Variants in METTL25 observed in about 807,000 individuals in gnomAD.
METTL25 encodes the protein probable methyltransferase-like protein 25.
A neutral mutation model predicts 71.6 loss-of-function variants in METTL25; 64 were observed. That is an observed-to-expected ratio of 0.89 (90% confidence interval 0.73 to 1.10). The LOEUF is 1.10. Ranked by LOEUF, METTL25 falls within the 50% of genes least tolerant of loss-of-function variation. METTL25 has a pLI of 0.00. For synonymous variants in METTL25, 287 were observed against 250.3 expected (o/e 1.15, Z -1.38); for missense variants, 807 against 707.0 (o/e 1.14, Z -1.60).
At chr12:82,447,903 C>T (rs550753704) in intron 8 of METTL25, among the ~76,000 whole-genome samples, 1 of 152,110 alleles carries the variant, frequency 6.6e-6, no homozygotes, top group East Asian at 1.9e-4. Context: ...ATAGGCACCT[C>T]ATTATAATGA....
intron 10 of METTL25, 94 bp downstream of exon 10, chr12:82,476,812 G>GTTTT: frequency 1.3e-6 from 1 of 751,302 alleles, no homozygotes. Flanking sequence ...AATCTATGTT[G>GTTTT]TTTTTCTCTT....
chr12:82,438,451 A>G (rs940328535), intron 7 of METTL25: 7 of 263,634 alleles, frequency 2.7e-5, no homozygotes, highest in Non-Finnish European at 4.2e-5. Context: ...TTTGGGCATT[A>G]GCTTATTGTT....
intron 5 of METTL25, among the ~76,000 whole-genome samples, chr12:82,424,636 A>G (rs1888850044): frequency 6.6e-6 from 1 of 151,974 alleles, no homozygotes; most frequent in Non-Finnish European, 1.5e-5. Flanking sequence ...AGGAATGGTA[A>G]TGGGTTGATA....
chr12:82,366,250 A>T (rs1304677845), intron 1 of METTL25, among the ~76,000 whole-genome samples: 1 of 152,172 alleles, frequency 6.6e-6, no homozygotes, highest in Non-Finnish European at 1.5e-5. Context: ...ACATCTTATA[A>T]TGTTATTTAA....
chr12:82,475,850 T>C (rs1892848699), intron 9 of METTL25, among the ~76,000 whole-genome samples: 1 of 152,142 alleles, frequency 6.6e-6, no homozygotes, highest in South Asian at 2.1e-4. Flanking sequence ...ATTTACCTTA[T>C]ATACTTACCA....
intron 5 of METTL25, among the ~76,000 whole-genome samples, chr12:82,405,732 A>G (rs1592666810): frequency 6.6e-6 from 1 of 152,278 alleles, no homozygotes; most frequent in Admixed American, 6.5e-5. Context: ...GTGCATCCAC[A>G]TATTGTCATT....
At chr12:82,379,840 C>A (rs972079297) in intron 1 of METTL25, among the ~76,000 whole-genome samples, 1 of 152,130 alleles carries the variant, frequency 6.6e-6, no homozygotes, top group African/African-American at 2.4e-5. Context: ...GCAGTTCATC[C>A]ATCCTTAGTC....
chr12:82,371,133 G>T (rs1371232760), intron 1 of METTL25, among the ~76,000 whole-genome samples: 1 of 152,254 alleles, frequency 6.6e-6, no homozygotes, highest in Admixed American at 6.5e-5. Flanking sequence ...GATTCCTCAG[G>T]TGGTAACAGA....
At chr12:82,435,332 A>G (rs1184862913) in intron 7 of METTL25, among the ~76,000 whole-genome samples, 1 of 151,460 alleles carries the variant, frequency 6.6e-6, no homozygotes, top group Non-Finnish European at 1.5e-5. Context: ...CTTTTGTTCA[A>G]GGAACATTAA....
intron 4 of METTL25, among the ~76,000 whole-genome samples, chr12:82,401,094 A>G (rs7964884): frequency 0.018 from 2,767 of 152,194 alleles, 81 homozygotes; most frequent in African/African-American, 0.063. Context: ...ATAAACCTCT[A>G]TAAACTGTGC....
At position 82,438,758 on chromosome 12, in the gene METTL25, ATAT is replaced by A. The variant is rs1185905488; in HGVS notation, c.1451_1453del (p.Ile484del). The A allele has an allele frequency of 1.3e-6, 2 of 1,541,842 alleles. No individual in the cohort carries two copies. Among genetic ancestry groups the A allele is most frequent in the East Asian group, 2.3e-5 (1 of 42,734 alleles). On this transcript the variant is annotated inframe_deletion, in exon 8 of 12. Coordinates refer to ENST00000248306, the MANE Select transcript of METTL25 (RefSeq NM_032230.3). ...CTCTTCTATCGTGCTGTTCTTCAGG[ATAT>A]TATTAAAGATTGTTATGGCATCACC...
Position 82,391,290 on chromosome 12 carries a change from G to T in METTL25, c.531+1368G>T, listed in dbSNP as rs144927213. Among the ~76,000 whole-genome samples, 52 of 152,154 alleles carry T rather than the reference G, an allele frequency of 3.4e-4. No individual in the cohort carries two copies. In the East Asian group the frequency reaches 4.6e-3, roughly 14 times the overall value. On this transcript the variant is annotated intron_variant, in intron 3 of 11. Coordinates refer to ENST00000248306, the MANE Select transcript of METTL25 (RefSeq NM_032230.3). The stretch of plus-strand genomic sequence containing the variant: ...TACAAAGCAGAAGCAGGAAAATATA[G>T]AAGTGGCCAAAACATAATGTGTACT...
chr12:82,418,513 C>T (rs945565701), intron 5 of METTL25, among the ~76,000 whole-genome samples: 4 of 152,122 alleles, frequency 2.6e-5, no homozygotes, highest in Admixed American at 6.6e-5. Context: ...ATAATCTCCA[C>T]CTGAGCAGTT....
At chr12:82,458,676 A>AT (rs1421594407) in intron 9 of METTL25, among the ~76,000 whole-genome samples, 2 of 152,102 alleles carry the variant, frequency 1.3e-5, no homozygotes, top group Non-Finnish European at 2.9e-5. Context: ...AAAAATAAAC[A>AT]TTTTTTAAAT....
At chr12:82,424,733 G>A (rs1054303146) in intron 5 of METTL25, among the ~76,000 whole-genome samples, 1 of 151,950 alleles carries the variant, frequency 6.6e-6, no homozygotes, top group Non-Finnish European at 1.5e-5. Flanking sequence ...AATTAGTTAA[G>A]ATGGAGTCAT....
chr12:82,390,018 A>T (rs1809579369), intron 3 of METTL25, 96 bp downstream of exon 3: 1 of 688,980 alleles, frequency 1.5e-6, no homozygotes. Flanking sequence ...AGCCTTTAAA[A>T]TGTCATTAAA....
intron 5 of METTL25, among the ~76,000 whole-genome samples, chr12:82,422,915 G>A (rs1272255765): frequency 6.6e-6 from 1 of 152,154 alleles, no homozygotes; most frequent in East Asian, 1.9e-4. Context: ...ACAAATGGAA[G>A]AACATTCCAT....
At chr12:82,369,175 T>C (rs1882920765) in intron 1 of METTL25, among the ~76,000 whole-genome samples, 1 of 152,224 alleles carries the variant, frequency 6.6e-6, no homozygotes, top group Non-Finnish European at 1.5e-5. Flanking sequence ...CCAGGTCAGA[T>C]TACACTAAAT....
intron 9 of METTL25, among the ~76,000 whole-genome samples, chr12:82,474,055 C>T (rs181419555): frequency 1.8e-4 from 27 of 152,226 alleles, no homozygotes; most frequent in Admixed American, 5.9e-4. Context: ...GGGGAGTGCG[C>T]GCATTGTTCT....
Sources: gnomAD v4.1 joint callset for allele counts (sites outside exome capture counted in the v4.1 genomes callset) on GRCh38, gnomAD v4.1.1 for gene constraint, MANE v1.5 for transcripts, NCBI Gene and HGNC (gene_info 2026-07-23, HGNC 2026-07-21) for gene names.